MPPED2: variants seen among roughly 807,000 people sequenced by gnomAD.
MPPED2 encodes metallophosphoesterase domain containing 2.
MPPED2 carries 5 observed loss-of-function variants against 33.0 expected under a neutral mutation model. That is an observed-to-expected ratio of 0.15 (90% CI 0.08 to 0.32). MPPED2 has a LOEUF of 0.32. Among genes scored for constraint, MPPED2 ranks in the 10% least tolerant of loss-of-function variants. The pLI is 1.00. For missense variants in MPPED2, 275 were observed against 372.1 expected (o/e 0.74, Z 2.15); for synonymous variants, 136 against 141.9 (o/e 0.96, Z 0.29).
intron 2 of MPPED2, among the ~76,000 whole-genome samples, chr11:30,543,120 A>C (rs1369412259): frequency 2.0e-5 from 3 of 152,206 alleles, no homozygotes; most frequent in Admixed American, 2.0e-4. Context: ...AAGTCTCCTA[A>C]ATGAAAAAAA....
At chr11:30,406,605 C>T (rs933883768), downstream of MPPED2, among the ~76,000 whole-genome samples, 5 of 152,070 alleles carry the variant, frequency 3.3e-5, no homozygotes, top group African/African-American at 1.2e-4. Context: ...GCTAGAAGGC[C>T]GACACATCCT....
In MPPED2 at chr11:30,536,154, G is replaced by A; in HGVS notation, c.150C>T (p.Asp50=). 1 of 1,608,866 alleles carries A rather than the reference G, an allele frequency of 6.2e-7. No individual in the cohort carries two copies. The change falls in exon 3 of 7, where the codon GAC becomes GAT. Residue 50 remains aspartate (D), a synonymous_variant. Coordinates refer to ENST00000358117, the MANE Select transcript of MPPED2 (RefSeq NM_001584.3). ...GCGTGTGGCCCGCTGGTTTTGGAGT[G>A]TCATATGGGATGGGGTCGACCCTAA... ...HVHMVDPIPY[D]TPKPAGHTRF... is the part of the protein sequence containing the mutation.
chr11:30,537,533 G>A (rs1456527764), intron 2 of MPPED2, among the ~76,000 whole-genome samples: 1 of 152,062 alleles, frequency 6.6e-6, no homozygotes, highest in African/African-American at 2.4e-5. Flanking sequence ...TTTTAACAAT[G>A]ACAATTTCAG....
intron 2 of MPPED2, among the ~76,000 whole-genome samples, chr11:30,567,642 T>C (rs558312394): frequency 2.6e-4 from 39 of 152,362 alleles, no homozygotes; most frequent in African/African-American, 8.4e-4. Flanking sequence ...CAAGCACTTA[T>C]CCTGTTCTCT....
At chr11:30,580,568 A>G (rs1957121647) in intron 1 of MPPED2, 74 bp from the exon 2 acceptor site, 2 of 1,350,632 alleles carry the variant, frequency 1.5e-6, no homozygotes, top group Admixed American at 3.1e-5. Flanking sequence ...TAAATTTAAC[A>G]TCTAGACATG....
chr11:30,496,361 G>A (rs879634000), intron 3 of MPPED2, among the ~76,000 whole-genome samples: 1 of 152,162 alleles, frequency 6.6e-6, no homozygotes, highest in Non-Finnish European at 1.5e-5. Flanking sequence ...GATGCTATAA[G>A]AACGAAAATC....
At chr11:30,580,095 C>A in intron 2 of MPPED2, 151 bp downstream of exon 2, 1 of 742,568 alleles carries the variant, frequency 1.3e-6, no homozygotes, top group East Asian at 2.7e-5. Flanking sequence ...GGGATTCCTC[C>A]TGAGCTGTAT....
At chr11:30,416,083 A>T (rs1440289122) in intron 5 of MPPED2, among the ~76,000 whole-genome samples, 1 of 152,258 alleles carries the variant, frequency 6.6e-6, no homozygotes, top group African/African-American at 2.4e-5. Flanking sequence ...TAGGGAACTT[A>T]GTTAATTATG....
chr11:30,515,099 C>A (rs1287547152), intron 3 of MPPED2, among the ~76,000 whole-genome samples: 1 of 152,056 alleles, frequency 6.6e-6, no homozygotes, highest in Admixed American at 6.6e-5. Flanking sequence ...TATCTCAAAA[C>A]AAACAAACAA....
rs372414188 is a variant in MPPED2 at position 30,571,053 on chromosome 11, G to A, written c.128+9193C>T. The stretch of plus-strand genomic sequence containing the variant: ...AAGCCACTACCAACAGAGGAACTTC[G>A]GTAATGGTCTAATTCTCACTTAGGA... On this transcript the variant is annotated intron_variant, in intron 2 of 6. Coordinates refer to ENST00000358117, the MANE Select transcript of MPPED2 (RefSeq NM_001584.3). 1.2e-4 allele frequency among the ~76,000 whole-genome samples: 18 copies of A among 152,024 alleles called. No homozygotes were observed. The South Asian group carries it at 1.7e-3, about 14-fold the overall frequency.
At chr11:30,522,387 T>TACACACAC (rs60549510) in intron 3 of MPPED2, among the ~76,000 whole-genome samples, 14 of 146,282 alleles carry the variant, frequency 9.6e-5, no homozygotes, top group African/African-American at 2.3e-4. Flanking sequence ...CAGGAAAACA[T>TACACACAC]ACACACACAC....
intron 6 of MPPED2, among the ~76,000 whole-genome samples, chr11:30,402,684 T>C (rs558895986): frequency 6.6e-6 from 1 of 152,296 alleles, no homozygotes; most frequent in East Asian, 1.9e-4. Flanking sequence ...CCCACCCCCA[T>C]CTTAGCTTTT....
At chr11:30,482,033 A>G (rs1433867182) in intron 4 of MPPED2, among the ~76,000 whole-genome samples, 4 of 152,138 alleles carry the variant, frequency 2.6e-5, no homozygotes, top group Non-Finnish European at 5.9e-5. Flanking sequence ...AGTTTGAAGG[A>G]CAGGGTTAAT....
rs139755239 is a variant in MPPED2, at chr11:30,434,690, C to A, written c.537-17057G>T. On this transcript the variant is annotated intron_variant, in intron 4 of 6. Transcript: ENST00000358117. ...ATAGTGATATTTAAATAAATTGATA[C>A]CTATGAAATGCTTAGATCAACCTGG... 3.4e-3 allele frequency among the ~76,000 whole-genome samples: 520 copies of A among 152,224 alleles called. 2 individuals are homozygous for A. The highest frequency in any genetic ancestry group is 0.014 in the Middle Eastern group (4 of 294).
chr11:30,574,887 CAA>C (rs1956859782), intron 2 of MPPED2, among the ~76,000 whole-genome samples: 2 of 152,166 alleles, frequency 1.3e-5, no homozygotes, highest in Non-Finnish European at 2.9e-5. Flanking sequence ...CTCCCTCCTG[CAA>C]ATTCAGTTCC....
chr11:30,463,965 C>T (rs961560949), intron 4 of MPPED2, among the ~76,000 whole-genome samples: 4 of 151,582 alleles, frequency 2.6e-5, no homozygotes, highest in Admixed American at 2.0e-4. Flanking sequence ...TTGAAATTTA[C>T]CCACGCAATA....
intron 2 of MPPED2, among the ~76,000 whole-genome samples, chr11:30,561,955 T>C (rs1956258346): frequency 6.6e-6 from 1 of 152,170 alleles, no homozygotes; most frequent in Admixed American, 6.5e-5. Context: ...CCTTTGAAGT[T>C]ACCCTTGATC....
intron 1 of MPPED2, among the ~76,000 whole-genome samples, chr11:30,583,272 C>T (rs1325637219): frequency 6.7e-6 from 1 of 149,970 alleles, no homozygotes; most frequent in Non-Finnish European, 1.5e-5. Context: ...TTACAACTAT[C>T]AAGAAGATGT....
chr11:30,573,734 T>G (rs7125615), intron 2 of MPPED2, among the ~76,000 whole-genome samples: 1 of 152,178 alleles, frequency 6.6e-6, no homozygotes, highest in Non-Finnish European at 1.5e-5. Flanking sequence ...TAAATTGTTA[T>G]AGTGATGAAA....
Sources: allele counts gnomAD v4.1 joint callset (sites outside exome capture counted in the v4.1 genomes callset), GRCh38; gene constraint gnomAD v4.1.1; transcripts MANE v1.5; gene names NCBI Gene and HGNC (gene_info 2026-07-23, HGNC 2026-07-21).